Variants in COL5A3 observed in about 807,000 individuals in gnomAD.
COL5A3 encodes collagen type V alpha 3 chain, also known as collagen alpha-3(V) chain.
In COL5A3, 172 loss-of-function variants were observed where a neutral mutation model predicts 250.0. That is an observed-to-expected ratio of 0.69 (90% CI 0.61 to 0.78). The LOEUF is 0.78. Ranked by LOEUF, COL5A3 falls within the 30% of genes least tolerant of loss-of-function variation. COL5A3 has a pLI of 0.00. For missense variants in COL5A3, 2,340 were observed against 2,334.4 expected, an observed-to-expected ratio of 1.00 and a Z score of -0.05; for synonymous variants, 937 against 900.4, an observed-to-expected ratio of 1.04 and a Z score of -0.73.
chr19:10,008,580 AC>A (rs1222182867), intron 1 of COL5A3, among the ~76,000 whole-genome samples: 1 of 151,202 alleles, frequency 6.6e-6, no homozygotes, highest in African/African-American at 2.4e-5. Context: ...ATGGCTGGGA[AC>A]CCCCCAGGTG....
chr19:9,980,868 A>C lies in COL5A3; in HGVS notation c.2506-9T>G, dbSNP rs2086999729. The C allele has an allele frequency of 6.2e-7, 1 of 1,605,486 alleles. No homozygotes were observed. Among genetic ancestry groups the C allele is most frequent in the Non-Finnish European group, 8.5e-7 (1 of 1,176,006 alleles). Reference sequence around the variant, plus strand: ...CTCTCTCCACGGGAACCCTGAACAAAAAAAAAAGGCAAAGATCAGATATGA... The same window carrying C: ...CTCTCTCCACGGGAACCCTGAACAACAAAAAAAGGCAAAGATCAGATATGA... On this transcript the variant is annotated splice_polypyrimidine_tract_variant and intron_variant, in intron 33 of 66. Transcript: ENST00000264828.
chr19:9,991,468 G>A, intron 24 of COL5A3, 142 bp downstream of exon 24: 1 of 660,746 alleles, frequency 1.5e-6, no homozygotes. Context: ...AGGACACTTT[G>A]TATCTCCGGG....
At position 9,996,677 on chromosome 19, in the gene COL5A3, G is replaced by A. The variant is rs1294471644; in HGVS notation, c.1276C>T (p.Leu426Phe). 6.2e-7 allele frequency: 1 copy of A among 1,605,056 alleles called. No individual in the cohort carries two copies. The highest frequency in any genetic ancestry group is 8.5e-7 in the Non-Finnish European group (1 of 1,177,652). Residue 426 changes from leucine to phenylalanine, a missense_variant, in exon 12 of 67, where the codon CTC (leucine) becomes TTC (phenylalanine). Around this residue, in one of 3 missense-constraint regions of COL5A3, gnomAD observed 1,152 missense variants for 1,146.3 expected, o/e 1.00. Coordinates refer to ENST00000264828, the MANE Select transcript of COL5A3 (RefSeq NM_015719.4). The stretch of plus-strand genomic sequence containing the variant: ...CCATCAATGCCGGGGATTCCTGGGA[G>A]GCCAGCAGGGCCCTGAGAGAGGGAT... The part of the protein sequence containing the change: ...GDPGPPGPAG[L>F]PGIPGIDGIR...
Position 9,971,009 on chromosome 19 carries a change from CCTGGGG to C in COL5A3, c.3842_3847del (p.Ser1281_Gly1283delinsTrp). On this transcript the variant is annotated inframe_deletion, in exon 53 of 67. Transcript: ENST00000264828. Reference sequence around the variant, plus strand: ...AACATCACCAGGGTCTCCCTTCTCCCCTGGGGAACCATCTATGCCCTGCATGGGGGG... The same window carrying C: ...AACATCACCAGGGTCTCCCTTCTCCCAACCATCTATGCCCTGCATGGGGGG... 1 of 1,553,964 alleles carries C rather than the reference CCTGGGG, an allele frequency of 6.4e-7. No individual in the cohort carries two copies. Among genetic ancestry groups the C allele is most frequent in the East Asian group, 2.4e-5 (1 of 42,180 alleles).
In COL5A3 at chr19:9,960,715, C is replaced by T; in HGVS notation, c.5027G>A (p.Gly1676Glu). Residue 1676 changes from glycine (G) to glutamate (E), a missense_variant, in exon 66 of 67, where the codon GGA becomes GAA. Around this residue, in one of 3 missense-constraint regions of COL5A3, gnomAD observed 1,179 missense variants for 1,162.6 expected, o/e 1.01. Coordinates refer to ENST00000264828, the MANE Select transcript of COL5A3 (RefSeq NM_015719.4). ...CGTCTGGTTGAAAGACAGCTCCTCT[C>T]CATTGGTGCCAAGGAAGCGGGCGGA... ...SHSARFLGTN[G>E]EELSFNQTTA... The T allele has an allele frequency of 1.2e-6, 2 of 1,614,060 alleles. No homozygotes were observed. Among genetic ancestry groups the T allele is most frequent in the Non-Finnish European group, 1.7e-6 (2 of 1,180,024 alleles).
At chr19:10,003,476 A>G (rs1304009322) in intron 6 of COL5A3, 89 bp downstream of exon 6, 3 of 1,303,882 alleles carry the variant, frequency 2.3e-6, no homozygotes, top group South Asian at 1.3e-5. Flanking sequence ...ATGGGAGACT[A>G]GAAGTCAAGC....
chr19:9,969,748 G>A, intron 55 of COL5A3, 66 bp from the exon 56 acceptor site: 2 of 1,575,210 alleles, frequency 1.3e-6, no homozygotes, highest in Non-Finnish European at 1.7e-6. Flanking sequence ...CCCCTGCCAA[G>A]AAGCATCTGG....
intron 11 of COL5A3, chr19:9,996,962 G>A: frequency 1.9e-6 from 1 of 536,780 alleles, no homozygotes; most frequent in East Asian, 3.3e-5. Context: ...CAGAAACAGA[G>A]AGACAGAGAG....
rs555516163 is a variant in COL5A3, at chr19:10,006,130, C to T, written c.190G>A (p.Ala64Thr). ...CPQRTPEGDR[A>T]FRIGQASTLG... is the part of the protein sequence containing the mutation. ...GTGCTGGCCTGGCCAATTCTGAATGCCCGGTCACCCTCTGGAGTCCTCTGG... is the reference window on the plus strand; with the variant it reads ...GTGCTGGCCTGGCCAATTCTGAATGTCCGGTCACCCTCTGGAGTCCTCTGG... The change falls in exon 2 of 67, where the codon GCA becomes ACA. Residue 64 changes from alanine to threonine, a missense_variant. Physicochemically the swap from Ala to Thr is moderately conservative, Grantham distance 58. Coordinates refer to ENST00000264828, the MANE Select transcript of COL5A3 (RefSeq NM_015719.4). 16 of 1,613,566 alleles carry T rather than the reference C, an allele frequency of 9.9e-6. No homozygotes were observed. In the South Asian group the frequency reaches 1.5e-4, roughly 16 times the overall value.
At chr19:9,970,098 AGTGGAGGCTGTGG>A (rs1568407054) in intron 54 of COL5A3, among the ~76,000 whole-genome samples, 176 bp from the exon 55 acceptor site, 1 of 17,422 alleles carries the variant, frequency 5.7e-5, no homozygotes, top group Non-Finnish European at 1.0e-4. Context: ...GCTGTGGCTG[AGTGGAGGCTGTGG>A]GTGAGTGGAG....
Position 9,990,392 on chromosome 19 carries a change from C to G in COL5A3, c.1993-870G>C, listed in dbSNP as rs78114741. Among the ~76,000 whole-genome samples the G allele has an allele frequency of 1.7e-4, 14 of 81,838 alleles. No individual in the cohort carries two copies. The South Asian group carries it at 5.7e-3, about 33-fold the overall frequency. The allele number at this position is 81,838 out of a possible 152,430, so 53.7% of individuals were successfully genotyped here. A position where few individuals can be genotyped will look rare whatever the true frequency, so the allele number is the denominator to read the frequency against. On this transcript the variant is annotated intron_variant, in intron 24 of 66. Transcript: ENST00000264828. ...CTGGACAACAAGAGTGAAATTCTGTCAAAAAAAAAAAAAAAACTAAAATAG... is the reference window on the plus strand; with the variant it reads ...CTGGACAACAAGAGTGAAATTCTGTGAAAAAAAAAAAAAAAACTAAAATAG...
Position 9,972,980 on chromosome 19 carries a change from C to G in COL5A3, c.3713G>C (p.Gly1238Ala), listed in dbSNP as rs2086874631. The change falls in exon 51 of 67, where the codon GGA becomes GCA. Residue 1238 changes from glycine (G) to alanine (A), a missense_variant. Physicochemically the swap from Gly to Ala is moderately conservative, Grantham distance 60 (BLOSUM62 0). Transcript: ENST00000264828. ...IGEKGDSGPS[G>A]AAGPPGKKGP... ...TTTCTTGCCTGGGGGTCCAGCAGCT[C>G]CAGATGGGCCTGAGTCCCCCTTTTC... The G allele has an allele frequency of 6.2e-7, 1 of 1,611,852 alleles. No individual in the cohort carries two copies. Among genetic ancestry groups the G allele is most frequent in the Non-Finnish European group, 8.5e-7 (1 of 1,179,170 alleles).
rs770039053 is a variant in COL5A3 at position 9,989,119 on chromosome 19, C to T, written c.2145+5G>A. On this transcript the variant is annotated splice_donor_5th_base_variant and intron_variant, in intron 27 of 66. Transcript: ENST00000264828. ...ATCACTCATACCTGCAAGCGTATCA[C>T]CTACCTTCACTCCCCGAGGTCCAGG... is the stretch of plus-strand genomic sequence containing the variant. 10 of 1,614,190 alleles carry T rather than the reference C, an allele frequency of 6.2e-6. No homozygotes were observed. The South Asian group carries it at 1.1e-4, about 18-fold the overall frequency.
rs202216682 is a variant in COL5A3 at position 9,992,096 on chromosome 19, G to T, written c.1849-48C>A. On this transcript the variant is annotated intron_variant, in intron 21 of 66. Coordinates refer to ENST00000264828, the MANE Select transcript of COL5A3 (RefSeq NM_015719.4). ...ACCAAGACAGAGCAACAAGCTGGGA[G>T]CCTGAGTCTGAGACACCGAGAGATG... The T allele has an allele frequency of 5.1e-4, 791 of 1,562,300 alleles. 7 individuals carry two copies. The South Asian group carries it at 6.3e-3, about 12-fold the overall frequency.
At position 9,982,072 on chromosome 19, in the gene COL5A3, C is replaced by A; in HGVS notation, c.2453G>T (p.Gly818Val). ...PGPLGPIGEK[G>V]KSGKTGQPGL... ...CCCCCGGTCATGACTCACCGACTTC[C>A]CTTTCTCTCCTATGGGTCCCAGGGG... is the stretch of plus-strand genomic sequence containing the variant. The change falls in exon 32 of 67, where the codon GGG becomes GTG. Residue 818 changes from glycine to valine, a missense_variant. Coordinates refer to ENST00000264828, the MANE Select transcript of COL5A3 (RefSeq NM_015719.4). The A allele has an allele frequency of 6.2e-7, 1 of 1,610,754 alleles. No homozygotes were observed.
chr19:9,984,845 C>T (rs1599551288), intron 31 of COL5A3, among the ~76,000 whole-genome samples: 1 of 151,930 alleles, frequency 6.6e-6, no homozygotes, highest in Admixed American at 6.6e-5. Flanking sequence ...CGCTGGGGTG[C>T]AGTGGCTCGA....
rs1455970549 is a variant in COL5A3 at position 10,007,598 on chromosome 19, C to A, written c.89-1367G>T. Among the ~76,000 whole-genome samples the A allele has an allele frequency of 3.3e-5, 5 of 152,280 alleles. No individual in the cohort carries two copies. In the East Asian group the frequency reaches 7.8e-4, roughly 24 times the overall value. On this transcript the variant is annotated intron_variant, in intron 1 of 66. Coordinates refer to ENST00000264828, the MANE Select transcript of COL5A3 (RefSeq NM_015719.4). ...AACCCTCAGCAAACTGTCCCACTGA[C>A]CCCCTGCCCCAGCCTCTTGGCGGGA...
Position 9,968,762 on chromosome 19 carries a change from C to G in COL5A3, c.4153-34G>C. The G allele has an allele frequency of 6.3e-7, 1 of 1,587,584 alleles. No homozygotes were observed. Among genetic ancestry groups the G allele is most frequent in the Non-Finnish European group, 8.6e-7 (1 of 1,163,222 alleles). On this transcript the variant is annotated intron_variant, in intron 57 of 66. Transcript: ENST00000264828. This position sits in a 1 kb window ranked among gnomAD's most constrained non-coding sequence, Gnocchi z 4.1. The stretch of plus-strand genomic sequence containing the variant: ...AGAGCAAGGGTCAGTTAGGGATTCT[C>G]AAATGTGAACTCGAGGTCTGTGTGG...
At position 9,986,751 on chromosome 19, in the gene COL5A3, G is replaced by C; in HGVS notation, c.2153C>G (p.Ser718Ter). 1 of 1,601,936 alleles carries C rather than the reference G, an allele frequency of 6.2e-7. No individual in the cohort carries two copies. Among genetic ancestry groups the C allele is most frequent in the Non-Finnish European group, 8.5e-7 (1 of 1,178,060 alleles). Residue 718 changes from serine to a stop codon, truncating the protein, a stop_gained, in exon 28 of 67, where the codon TCA (serine) becomes TGA (stop). Coordinates refer to ENST00000264828, the MANE Select transcript of COL5A3 (RefSeq NM_015719.4). LOFTEE classifies it high-confidence loss of function. ...YPGPRGVKGT[S>*]GNRGLQGEKG... ...CTCCCCCTGGAGGCCCCGGTTGCCT[G>C]AAGTGCCCTGGAAAATAAAAAAAAA...
Sources: gnomAD v4.1 joint callset for allele counts (sites outside exome capture counted in the v4.1 genomes callset) on GRCh38, gnomAD v4.1.1 for gene constraint, gnomAD v4.1.1 regional missense constraint, Gnocchi (gnomAD v3.1) non-coding constraint, MANE v1.5 for transcripts, NCBI Gene and HGNC (gene_info 2026-07-23, HGNC 2026-07-21) for gene names.